RSPH14: variants seen among roughly 807,000 people sequenced by gnomAD.
The protein encoded by RSPH14 is radial spoke head 14 homolog.
RSPH14 carries 20 observed loss-of-function variants against 26.7 expected under a neutral mutation model. That is an observed-to-expected ratio of 0.75 (90% CI 0.53 to 1.09). The LOEUF is 1.09. Ranked by LOEUF, RSPH14 falls within the 50% of genes least tolerant of loss-of-function variation. RSPH14 has a pLI of 0.00. For synonymous variants in RSPH14, 177 were observed against 189.3 expected (o/e 0.93, Z 0.53); for missense variants, 449 against 457.2 (o/e 0.98, Z 0.16).
At chr22:23,162,786 G>A in the RSPH14 span, 1 of 456,008 alleles carries the variant, frequency 2.2e-6, no homozygotes, top group Non-Finnish European at 4.4e-6. Context: ...CCTAGGGCCT[G>A]GCACACTGCA....
At chr22:23,156,555 G>T in the RSPH14 span, among the ~76,000 whole-genome samples, 1 of 152,168 alleles carries the variant, frequency 6.6e-6, no homozygotes, top group Admixed American at 6.5e-5. Context: ...ATAAGCTCCG[G>T]ATGCCTACCC....
chr22:23,064,279 G>T, intron 4 of RSPH14, 146 bp from the exon 5 acceptor site: 1 of 709,846 alleles, frequency 1.4e-6, no homozygotes, highest in Non-Finnish European at 2.4e-6. Flanking sequence ...CCACACACAC[G>T]TCCCGCCTGG....
chr22:23,101,406 G>A lies in RSPH14; in HGVS notation c.421+32620C>T, dbSNP rs62220911. 2.0e-3 allele frequency among the ~76,000 whole-genome samples: 304 copies of A among 152,328 alleles called. 4 individuals carry two copies. Among genetic ancestry groups the A allele is most frequent in the Admixed American group, 3.7e-3 (57 of 15,304 alleles). On this transcript the variant is annotated intron_variant, in intron 4 of 6. Transcript: ENST00000216036. ...TGGGTTCCACCCTTGGAGCTGCTGT[G>A]TAGCCAGCCTTCCCTCAGGAGAGTG...
chr22:23,160,890 A>G, the RSPH14 span: 5 of 1,613,646 alleles, frequency 3.1e-6, no homozygotes, highest in Non-Finnish European at 4.2e-6. Flanking sequence ...CGAGAACGTG[A>G]AGGCATTCTT....
the RSPH14 span, chr22:23,160,842 AC>A: frequency 6.3e-7 from 1 of 1,599,954 alleles, no homozygotes; most frequent in East Asian, 2.2e-5. Flanking sequence ...GCAAGGAGAA[AC>A]ACTGATGAGG....
At chr22:23,175,066 G>T in the RSPH14 span, among the ~76,000 whole-genome samples, 1 of 145,426 alleles carries the variant, frequency 6.9e-6, no homozygotes, top group Non-Finnish European at 1.5e-5. Flanking sequence ...ACGCAATCTT[G>T]GCTCACTACA....
chr22:23,156,159 ACACCAGG>A, the RSPH14 span: 8 of 763,418 alleles, frequency 1.0e-5, no homozygotes, highest in South Asian at 1.8e-5. Flanking sequence ...CACTGAGAAA[ACACCAGG>A]CCACTGCTTG....
chr22:23,106,439 C>T (rs1297980754), intron 4 of RSPH14, among the ~76,000 whole-genome samples: 1 of 152,232 alleles, frequency 6.6e-6, no homozygotes, highest in East Asian at 1.9e-4. Flanking sequence ...GCACCGTCTC[C>T]ATCTCACACT....
chr22:23,067,357 G>C (rs1486084011), intron 4 of RSPH14, among the ~76,000 whole-genome samples: 3 of 152,202 alleles, frequency 2.0e-5, no homozygotes, highest in Non-Finnish European at 4.4e-5. Flanking sequence ...CAAAGCCCCA[G>C]CTGTTGTCTC....
At chr22:23,148,805 C>G (rs562706097), upstream of RSPH14, among the ~76,000 whole-genome samples, 9 of 152,322 alleles carry the variant, frequency 5.9e-5, no homozygotes, top group Admixed American at 2.6e-4. Context: ...TGTGTCTGAG[C>G]CAGTCCCTAG....
chr22:23,169,614 G>A, the RSPH14 span, among the ~76,000 whole-genome samples: 1 of 152,272 alleles, frequency 6.6e-6, no homozygotes, highest in South Asian at 2.1e-4. Context: ...GACTTGGGGA[G>A]GTCACTCTCT....
intron 5 of RSPH14, among the ~76,000 whole-genome samples, chr22:23,062,658 C>T (rs2068120129): frequency 6.6e-6 from 1 of 152,190 alleles, no homozygotes; most frequent in South Asian, 2.1e-4. Context: ...CCTGGGAACA[C>T]AGATTGGGAA....
intron 4 of RSPH14, among the ~76,000 whole-genome samples, chr22:23,076,719 A>G (rs1601751264): frequency 6.6e-6 from 1 of 152,210 alleles, no homozygotes; most frequent in African/African-American, 2.4e-5. Context: ...AGGCATGTCT[A>G]TGGAAAACTG....
At chr22:23,076,631 G>C (rs370751396) in intron 4 of RSPH14, among the ~76,000 whole-genome samples, 20 of 152,240 alleles carry the variant, frequency 1.3e-4, no homozygotes, top group African/African-American at 4.3e-4. Context: ...TCGGGCTGAC[G>C]CCGGGCCACT....
the RSPH14 span, chr22:23,179,972 T>C: frequency 3.1e-6 from 1 of 319,472 alleles, no homozygotes; most frequent in Non-Finnish European, 5.8e-6. Flanking sequence ...TGCCTGGTCT[T>C]GCAGATGCCC....
the RSPH14 span, chr22:23,158,050 C>T: frequency 6.2e-7 from 1 of 1,614,104 alleles, no homozygotes; most frequent in Non-Finnish European, 8.5e-7. Context: ...CCAGGTAAGT[C>T]TGGGCTCTCT....
At chr22:23,117,861 A>C (rs970207093) in intron 4 of RSPH14, among the ~76,000 whole-genome samples, 1 of 152,170 alleles carries the variant, frequency 6.6e-6, no homozygotes, top group African/African-American at 2.4e-5. Flanking sequence ...TTGGTGGAGA[A>C]TCAGGAGTGA....
the RSPH14 span, among the ~76,000 whole-genome samples, chr22:23,159,438 C>G: frequency 6.6e-6 from 1 of 152,248 alleles, no homozygotes; most frequent in African/African-American, 2.4e-5. Context: ...CTAAGAGGAG[C>G]TGCGTCATCT....
chr22:23,073,618 G>A lies in RSPH14; in HGVS notation c.422-9485C>T, dbSNP rs1168886450. Among the ~76,000 whole-genome samples, 11 of 152,310 alleles carry A rather than the reference G, an allele frequency of 7.2e-5. No individual in the cohort carries two copies. In the South Asian group the frequency reaches 1.7e-3, roughly 23 times the overall value. ...ATTTTGGCCCTTTCGTGCGAACACCGCCAGGGGAGGCGCTTCACAGGATTG... is the reference window on the plus strand; with the variant it reads ...ATTTTGGCCCTTTCGTGCGAACACCACCAGGGGAGGCGCTTCACAGGATTG... On this transcript the variant is annotated intron_variant, in intron 4 of 6. Transcript: ENST00000216036.
Sources: gnomAD v4.1 joint callset for allele counts (sites outside exome capture counted in the v4.1 genomes callset) on GRCh38, gnomAD v4.1.1 for gene constraint, MANE v1.5 for transcripts, NCBI Gene and HGNC (gene_info 2026-07-23, HGNC 2026-07-21) for gene names.